The following ADGRV1 variants were observed in gnomAD, a reference collection of about 807,000 sequenced individuals.
The protein encoded by ADGRV1 is adhesion G protein-coupled receptor V1.
Under a neutral mutation model 596.2 loss-of-function variants are expected in ADGRV1, and 359 were observed. The observed-to-expected ratio is 0.60, with a 90% CI of 0.55 to 0.66. The LOEUF (loss-of-function observed/expected upper bound fraction) is 0.66. Ranked by LOEUF, ADGRV1 falls within the 30% of genes least tolerant of loss-of-function variation. The pLI, the probability that ADGRV1 is intolerant of heterozygous loss-of-function variation, is 0.00. For synonymous variants in ADGRV1, 2,681 were observed against 2,679.2 expected, an observed-to-expected ratio of 1.00 and a Z score of -0.02; for missense variants, 7,274 against 7,575.6, an observed-to-expected ratio of 0.96 and a Z score of 1.48.
chr5:91,079,428 G>T (rs1308018831), intron 86 of ADGRV1, among the ~76,000 whole-genome samples: 3 of 152,100 alleles, frequency 2.0e-5, no homozygotes, highest in African/African-American at 7.2e-5. Flanking sequence ...ATTCATATCA[G>T]AAATCTCTCT....
intron 83 of ADGRV1, among the ~76,000 whole-genome samples, chr5:90,947,266 G>C (rs536322925): frequency 2.0e-5 from 3 of 152,088 alleles, no homozygotes; most frequent in East Asian, 1.9e-4. Context: ...TCATATGTTT[G>C]TTGGCCACAT....
intron 85 of ADGRV1, among the ~76,000 whole-genome samples, chr5:91,047,406 G>A (rs1263766701): frequency 6.6e-6 from 1 of 152,140 alleles, no homozygotes; most frequent in Admixed American, 6.5e-5. Flanking sequence ...TGCAAGCTGA[G>A]GAGCAACGAA....
chr5:90,705,393 T>G lies in ADGRV1; in HGVS notation c.8387-7T>G. 6.2e-7 allele frequency: 1 copy of G among 1,612,510 alleles called. No homozygotes were observed. The highest frequency in any genetic ancestry group is 8.5e-7 in the Non-Finnish European group (1 of 1,179,228). ...ATCACTGTTAGATTCCTGCCTGACA[T>G]TTTTAGGAGTTCCACCAGCCGGAAT... On this transcript the variant is annotated splice_region_variant and splice_polypyrimidine_tract_variant and intron_variant, in intron 36 of 89. Transcript: ENST00000405460.
intron 1 of ADGRV1, among the ~76,000 whole-genome samples, chr5:90,598,283 C>G (rs1268553175): frequency 6.6e-6 from 1 of 152,216 alleles, no homozygotes; most frequent in Admixed American, 6.5e-5. Flanking sequence ...ATGTTAGACA[C>G]AGCCACAGCA....
chr5:90,987,859 C>G (rs1026316966), intron 85 of ADGRV1, among the ~76,000 whole-genome samples: 11 of 152,120 alleles, frequency 7.2e-5, no homozygotes, highest in African/African-American at 2.7e-4. Context: ...AAAAATGCCT[C>G]AAGGGGAAAA....
intron 4 of ADGRV1, among the ~76,000 whole-genome samples, chr5:90,619,593 TC>T (rs1366103311): frequency 6.6e-6 from 1 of 152,084 alleles, no homozygotes; most frequent in African/African-American, 2.4e-5. Context: ...AGAATACTTT[TC>T]TTTTTTTTTA....
intron 85 of ADGRV1, among the ~76,000 whole-genome samples, chr5:91,021,276 G>A (rs1402121792): frequency 2.0e-5 from 3 of 152,026 alleles, no homozygotes; most frequent in Non-Finnish European, 4.4e-5. Context: ...ATGGCATTAG[G>A]TTGTCAGTTT....
intron 71 of ADGRV1, among the ~76,000 whole-genome samples, chr5:90,804,045 A>T (rs1761666445): frequency 6.6e-6 from 1 of 152,138 alleles, no homozygotes; most frequent in African/African-American, 2.4e-5. Context: ...AGGGCATTTC[A>T]AAATAGCCCT....
chr5:90,666,587 A>G (rs1771441213), intron 21 of ADGRV1, among the ~76,000 whole-genome samples: 1 of 125,622 alleles, frequency 8.0e-6, no homozygotes, highest in Admixed American at 8.8e-5. Flanking sequence ...GTGTCTTTTA[A>G]TTGGAGCATT....
intron 1 of ADGRV1, among the ~76,000 whole-genome samples, chr5:90,605,582 A>C (rs767736817): frequency 2.0e-5 from 3 of 152,134 alleles, no homozygotes; most frequent in Non-Finnish European, 4.4e-5. Flanking sequence ...AGTATGTACC[A>C]TGGCAATTTG....
At chr5:91,019,759 C>T (rs1268570295) in intron 85 of ADGRV1, among the ~76,000 whole-genome samples, 1 of 151,984 alleles carries the variant, frequency 6.6e-6, no homozygotes, top group Non-Finnish European at 1.5e-5. Flanking sequence ...GAGCACATGA[C>T]CCTTAAAAAA....
intron 85 of ADGRV1, among the ~76,000 whole-genome samples, chr5:90,998,807 A>C (rs912455451): frequency 2.0e-5 from 3 of 152,118 alleles, no homozygotes; most frequent in Non-Finnish European, 4.4e-5. Flanking sequence ...ATAAGTTTTT[A>C]ATGTTTGCCA....
chr5:91,117,293 T>G (rs1792932844), intron 87 of ADGRV1, among the ~76,000 whole-genome samples: 1 of 152,218 alleles, frequency 6.6e-6, no homozygotes, highest in Non-Finnish European at 1.5e-5. Flanking sequence ...ATTTATTTAT[T>G]TATTCATTCA....
intron 85 of ADGRV1, among the ~76,000 whole-genome samples, chr5:91,002,174 G>T (rs1021591403): frequency 6.6e-6 from 1 of 152,018 alleles, no homozygotes; most frequent in Non-Finnish European, 1.5e-5. Flanking sequence ...CTGGTCTTGG[G>T]TGGGCTCCTA....
Position 90,724,899 on chromosome 5 carries a change from C to T in ADGRV1, c.9816C>T (p.Phe3272=), listed in dbSNP as rs1751560300. Residue 3272 remains phenylalanine, a synonymous_variant, in exon 46 of 90, where the codon TTC becomes TTT. Coordinates refer to ENST00000405460, the MANE Select transcript of ADGRV1 (RefSeq NM_032119.4). Reference sequence around the variant, plus strand: ...ATGAATCAGCTTCTGGCTGGTGTTTCTTTACTTTGGAAAATTTAATATATG... The same window carrying T: ...ATGAATCAGCTTCTGGCTGGTGTTTTTTTACTTTGGAAAATTTAATATATG... ...FLDESASGWC[F]FTLENLIYGI... 2 of 1,612,344 alleles carry T rather than the reference C, an allele frequency of 1.2e-6. No homozygotes were observed. Among genetic ancestry groups the T allele is most frequent in the Non-Finnish European group, 1.7e-6 (2 of 1,178,822 alleles).
chr5:90,776,669 T>C, intron 61 of ADGRV1, 93 bp downstream of exon 61: 1 of 1,338,240 alleles, frequency 7.5e-7, no homozygotes, highest in Middle Eastern at 1.8e-4. Context: ...AATACATACA[T>C]AGTCTTCAAG....
chr5:90,870,415 C>A (rs77612722), intron 83 of ADGRV1, among the ~76,000 whole-genome samples: 1,620 of 152,138 alleles, frequency 0.011, 31 homozygotes, highest in African/African-American at 0.037. Context: ...CTCCAAAACT[C>A]ACGTATTTAG....
rs550903320 is a variant in ADGRV1, at chr5:90,724,709, C to T, written c.9749-123C>T. ...TTGTGTCTTTTCACACTCATACACA[C>T]GTCATGAAAGAATTTTCATTTGTAG... On this transcript the variant is annotated intron_variant, in intron 45 of 89. Coordinates refer to ENST00000405460, the MANE Select transcript of ADGRV1 (RefSeq NM_032119.4). 1.1e-5 allele frequency: 9 copies of T among 812,186 alleles called. 1 individual carries two copies. The highest frequency in any genetic ancestry group is 1.7e-5 in the African/African-American group (1 of 58,258). The allele number at this position is 812,186 out of a possible 1,614,324, so 50.3% of individuals were successfully genotyped here.
chr5:90,949,103 C>G (rs1776849061), intron 83 of ADGRV1, among the ~76,000 whole-genome samples: 1 of 152,020 alleles, frequency 6.6e-6, no homozygotes, highest in Non-Finnish European at 1.5e-5. Context: ...CTCACAGATA[C>G]TTGTTAAGAG....
Sources: gnomAD v4.1 joint callset for allele counts (sites outside exome capture counted in the v4.1 genomes callset) on GRCh38, gnomAD v4.1.1 for gene constraint, MANE v1.5 for transcripts, NCBI Gene and HGNC (gene_info 2026-07-23, HGNC 2026-07-21) for gene names.